Variants in TEK observed in about 807,000 individuals in gnomAD.
TEK encodes angiopoietin-1 receptor.
Under a neutral mutation model 131.8 loss-of-function variants are expected in TEK, and 43 were observed. That is an observed-to-expected ratio of 0.33 (90% CI 0.26 to 0.42). The LOEUF is 0.42. Among genes scored for constraint, TEK ranks in the 10% least tolerant of loss-of-function variants. The probability of loss-of-function intolerance (pLI) is 1.00; values close to 1 mark genes in which losing one functional copy is unlikely to be tolerated. For synonymous variants in TEK, 580 were observed against 491.6 expected (o/e 1.18, Z -2.38); for missense variants, 1,162 against 1,384.4 (o/e 0.84, Z 2.55).
intron 5 of TEK, 25 bp from the exon 6 acceptor site, chr9:27,173,197 A>G (rs748761758): frequency 6.2e-7 from 1 of 1,613,780 alleles, no homozygotes; most frequent in Non-Finnish European, 8.5e-7. Flanking sequence ...TTGACTCTGA[A>G]TCATCTTTTC....
intron 1 of TEK, among the ~76,000 whole-genome samples, chr9:27,146,627 C>G (rs1377348315): frequency 1.3e-5 from 2 of 151,712 alleles, no homozygotes; most frequent in Non-Finnish European, 2.9e-5. Flanking sequence ...CATGGATATA[C>G]TATAGCTTGT....
chr9:27,218,742 G>C (rs368928800), intron 19 of TEK, 35 bp from the exon 20 acceptor site: 1 of 1,613,388 alleles, frequency 6.2e-7, no homozygotes, highest in Non-Finnish European at 8.5e-7. Flanking sequence ...GACTCTGTTT[G>C]CTGATTGTTG....
intron 12 of TEK, among the ~76,000 whole-genome samples, chr9:27,199,006 C>T (rs750772876): frequency 6.6e-6 from 1 of 152,038 alleles, no homozygotes; most frequent in Non-Finnish European, 1.5e-5. Context: ...CCCTATGTTG[C>T]CCAGGCTGGT....
rs191170214 is a variant in TEK at position 27,175,144 on chromosome 9, C to A, written c.901+1782C>A. ...TAATGCTATCCCTCCCCCCTCCCCC[C>A]ACCCCACAACAGTCCCCAGAGTGTG... On this transcript the variant is annotated intron_variant, in intron 6 of 22. Coordinates refer to ENST00000380036, the MANE Select transcript of TEK (RefSeq NM_000459.5). 8.5e-3 allele frequency among the ~76,000 whole-genome samples: 953 copies of A among 112,374 alleles called. 16 individuals are homozygous for A. Among genetic ancestry groups the A allele is most frequent in the African/African-American group, 0.031 (907 of 29,686 alleles). 73.7% of individuals were successfully genotyped at this position (112,374 alleles called of 152,430 possible).
intron 21 of TEK, among the ~76,000 whole-genome samples, chr9:27,222,124 G>A (rs1826108990): frequency 6.6e-6 from 1 of 152,106 alleles, no homozygotes. Context: ...TGGATCAAGT[G>A]GAAGAAAGGA....
chr9:27,175,565 T>C (rs1183580821), intron 6 of TEK, among the ~76,000 whole-genome samples: 1 of 152,166 alleles, frequency 6.6e-6, no homozygotes, highest in East Asian at 1.9e-4. Context: ...ATCGCCACAC[T>C]GACTTCCACA....
chr9:27,229,410 C>G lies in TEK; in HGVS notation c.*178C>G. The G allele has an allele frequency of 4.4e-6, 3 of 685,648 alleles. No individual in the cohort carries two copies. The highest frequency in any genetic ancestry group is 5.3e-6 in the Non-Finnish European group (2 of 375,994). The allele number at this position is 685,648 out of a possible 1,614,324, so 42.5% of individuals were successfully genotyped here. On this transcript the variant is annotated 3_prime_UTR_variant, in exon 23 of 23. Coordinates refer to ENST00000380036, the MANE Select transcript of TEK (RefSeq NM_000459.5). Reference sequence around the variant, plus strand: ...TGGATCTATGTAGTATGCTCTGACTCTAATAGGACTGTATATACTGTTTTA... The same window carrying G: ...TGGATCTATGTAGTATGCTCTGACTGTAATAGGACTGTATATACTGTTTTA...
At chr9:27,142,857 T>A (rs1322674445) in intron 1 of TEK, among the ~76,000 whole-genome samples, 1 of 152,240 alleles carries the variant, frequency 6.6e-6, no homozygotes, top group Non-Finnish European at 1.5e-5. Context: ...CTAATTCATA[T>A]GGTGGTTGTG....
At chr9:27,140,032 ATTAGGGTTT>A (rs1281781630) in intron 1 of TEK, among the ~76,000 whole-genome samples, 1 of 152,188 alleles carries the variant, frequency 6.6e-6, no homozygotes, top group African/African-American at 2.4e-5. Context: ...ATGCTAGCCC[ATTAGGGTTT>A]TTCAGATCCA....
In TEK at chr9:27,229,557, C is replaced by T; in HGVS notation, c.*325C>T. The T allele has an allele frequency of 3.0e-6, 1 of 334,470 alleles. No homozygotes were observed. The allele number at this position is 334,470 out of a possible 1,614,324, so 20.7% of individuals were successfully genotyped here. A position where few individuals can be genotyped will look rare whatever the true frequency, so the allele number is the denominator to read the frequency against. ...AGTATAATGCATAACTCATTGTTGT[C>T]CTAGATATTTTGATATTTACCTTTA... On this transcript the variant is annotated 3_prime_UTR_variant, in exon 23 of 23. Transcript: ENST00000380036.
Position 27,217,750 on chromosome 9 carries a change from C to T in TEK, c.3054C>T (p.Asn1018=), listed in dbSNP as rs1342748629. 1.9e-6 allele frequency: 3 copies of T among 1,612,974 alleles called. No individual in the cohort carries two copies. The highest frequency in any genetic ancestry group is 2.2e-5 in the South Asian group (2 of 91,026). The change falls in exon 19 of 23, where the codon AAC becomes AAT. Residue 1018 remains asparagine (N), a synonymous_variant. Transcript: ENST00000380036. ...ESLNYSVYTT[N]SDVWSYGVLL... is the part of the protein sequence containing the mutation. The stretch of plus-strand genomic sequence containing the variant: ...TGAATTACAGTGTGTACACAACCAA[C>T]AGTGATGTGTGAGTAAACTTCTTAT...
At chr9:27,166,619 A>T (rs963730330) in intron 2 of TEK, among the ~76,000 whole-genome samples, 5 of 152,144 alleles carry the variant, frequency 3.3e-5, no homozygotes, top group Middle Eastern at 3.4e-3. Flanking sequence ...CTTTATAATA[A>T]TTTTTTCTGT....
chr9:27,219,360 C>T (rs1036764773), intron 20 of TEK, among the ~76,000 whole-genome samples: 1 of 152,102 alleles, frequency 6.6e-6, no homozygotes, highest in East Asian at 1.9e-4. Context: ...AGCTAGAAAC[C>T]ATCATCCTCA....
chr9:27,175,885 T>G (rs1037256443), intron 6 of TEK, among the ~76,000 whole-genome samples: 1 of 152,188 alleles, frequency 6.6e-6, no homozygotes, highest in Admixed American at 6.5e-5. Flanking sequence ...ATTCTGGATA[T>G]TAGCCCTTTG....
At chr9:27,201,241 T>TG (rs1012271043) in intron 12 of TEK, among the ~76,000 whole-genome samples, 8 of 114,906 alleles carry the variant, frequency 7.0e-5, no homozygotes, top group Non-Finnish European at 1.0e-4. Flanking sequence ...AGGCATAAAA[T>TG]GGTAAGTTGG....
intron 20 of TEK, 67 bp from the exon 21 acceptor site, chr9:27,219,982 A>G: frequency 3.3e-6 from 5 of 1,538,158 alleles, no homozygotes; most frequent in Non-Finnish European, 4.5e-6. Context: ...TATATTTAGA[A>G]ACCCTGGACA....
intron 6 of TEK, among the ~76,000 whole-genome samples, 163 bp downstream of exon 6, chr9:27,173,525 T>C (rs1824043486): frequency 6.6e-6 from 1 of 152,202 alleles, no homozygotes; most frequent in African/African-American, 2.4e-5. Flanking sequence ...ATGTTAATTA[T>C]ACTTTCACAG....
chr9:27,196,319 T>G lies in TEK; in HGVS notation c.1625-996T>G, dbSNP rs139982130. Among the ~76,000 whole-genome samples, 780 of 152,322 alleles carry G rather than the reference T, an allele frequency of 5.1e-3. 9 individuals are homozygous for G. The highest frequency in any genetic ancestry group is 0.017 in the African/African-American group (720 of 41,560). On this transcript the variant is annotated intron_variant, in intron 11 of 22. Transcript: ENST00000380036. ...AATTTATTAAAGCAGTTTCCTATTT[T>G]GAGTGTTTAGGTTTCTTCCAATTGT...
intron 21 of TEK, 71 bp downstream of exon 21, chr9:27,220,216 C>G (rs1385411006): frequency 6.9e-7 from 1 of 1,458,212 alleles, no homozygotes; most frequent in Non-Finnish European, 9.6e-7. Context: ...CCAGCTGACT[C>G]TAGCAAAGTC....
Sources: allele counts gnomAD v4.1 joint callset (sites outside exome capture counted in the v4.1 genomes callset), GRCh38; gene constraint gnomAD v4.1.1; transcripts MANE v1.5; gene names NCBI Gene and HGNC (gene_info 2026-07-23, HGNC 2026-07-21).